Variants in COL2A1 observed in about 807,000 individuals in gnomAD.
COL2A1 encodes the protein collagen type II alpha 1 chain, also known as collagen alpha-1(II) chain.
Under a neutral mutation model 204.5 loss-of-function variants are expected in COL2A1, and 28 were observed. The ratio of observed to expected loss-of-function variants is 0.14; its 90% confidence interval spans 0.10 to 0.19. The LOEUF is 0.19. Among genes scored for constraint, COL2A1 ranks in the 10% least tolerant of loss-of-function variants. The probability of loss-of-function intolerance (pLI) is 1.00; values close to 1 mark genes in which losing one functional copy is unlikely to be tolerated. For missense variants in COL2A1, 1,388 were observed against 2,027.5 expected, an observed-to-expected ratio of 0.68 and a Z score of 6.06; for synonymous variants, 708 against 718.7, an observed-to-expected ratio of 0.99 and a Z score of 0.24.
chr12:47,979,978 T>C (rs1304726140), intron 40 of COL2A1, 31 bp downstream of exon 40: 3 of 1,544,462 alleles, frequency 1.9e-6, no homozygotes, highest in Admixed American at 3.9e-5. Flanking sequence ...CTTTGTGAGG[T>C]GCAGGGTGGG....
In COL2A1 at chr12:47,989,306, G is replaced by A. The variant is rs770535653; in HGVS notation, c.1069-25C>T. 9 of 1,607,862 alleles carry A rather than the reference G, an allele frequency of 5.6e-6. No homozygotes were observed. The East Asian group carries it at 2.0e-4, about 36-fold the overall frequency. ...CCTGGAGAGAGTAGGCGGATGAGAA[G>A]AGAGGTGAATGCCAGTTCTGGCCTC... On this transcript the variant is annotated intron_variant, in intron 17 of 53. Coordinates refer to ENST00000380518, the MANE Select transcript of COL2A1 (RefSeq NM_001844.5).
chr12:47,987,438 G>A lies in COL2A1; in HGVS notation c.1222-125C>T. 1 of 1,131,264 alleles carries A rather than the reference G, an allele frequency of 8.8e-7. No individual in the cohort carries two copies. The highest frequency in any genetic ancestry group is 1.3e-6 in the Non-Finnish European group (1 of 759,838). 70.1% of individuals were successfully genotyped at this position (1,131,264 alleles called of 1,614,324 possible). Reference sequence around the variant, plus strand: ...CATTTCAGGGACATTCCCACTATGTGTTTCAAGGGGAAGATGGGATAGAAG... The same window carrying A: ...CATTTCAGGGACATTCCCACTATGTATTTCAAGGGGAAGATGGGATAGAAG... On this transcript the variant is annotated intron_variant, in intron 19 of 53. Coordinates refer to ENST00000380518, the MANE Select transcript of COL2A1 (RefSeq NM_001844.5). This position sits in a 1 kb window ranked among gnomAD's most constrained non-coding sequence, Gnocchi z 4.1.
intron 27 of COL2A1, 41 bp from the exon 28 acceptor site, chr12:47,984,640 G>A: frequency 6.2e-7 from 1 of 1,603,642 alleles, no homozygotes; most frequent in South Asian, 1.1e-5. Flanking sequence ...CGGATGGTTT[G>A]GGAGGGAGTT....
rs1050843751 is a variant in COL2A1 at position 47,980,756 on chromosome 12, G to A, written c.2518-95C>T. 36 of 1,413,208 alleles carry A rather than the reference G, an allele frequency of 2.5e-5. No individual in the cohort carries two copies. The highest frequency in any genetic ancestry group is 4.9e-5 in the South Asian group (4 of 81,628). The allele number at this position is 1,413,208 out of a possible 1,614,324, so 87.5% of individuals were successfully genotyped here. ...GGAGACTCTGTGAGTATCTGCGTGT[G>A]TGTCCTGGTCTGGACATGATGGTTC... is the stretch of plus-strand genomic sequence containing the variant. On this transcript the variant is annotated intron_variant, in intron 38 of 53. Transcript: ENST00000380518. This position sits in a 1 kb window ranked among gnomAD's most constrained non-coding sequence, Gnocchi z 4.5.
rs202103765 is a variant in COL2A1, at chr12:47,993,849, A to C, written c.884T>G (p.Leu295Arg). ...GVKGHRGYPG[L>R]DGAKGEAGAP... ...ACCCGCCTCTCCCTTAGCACCGTCC[A>C]GGCCTGGATAACCCTAGGGAACAAG... is the stretch of plus-strand genomic sequence containing the variant. The change falls in exon 14 of 54, where the codon CTG becomes CGG. Residue 295 changes from leucine to arginine, a missense_variant. Leu to Arg is a moderately radical substitution (Grantham distance 102). Transcript: ENST00000380518. 6.2e-7 allele frequency: 1 copy of C among 1,614,210 alleles called. No homozygotes were observed. The highest frequency in any genetic ancestry group is 8.5e-7 in the Non-Finnish European group (1 of 1,180,036).
In COL2A1 at chr12:47,979,574, G is replaced by C; in HGVS notation, c.2680-10C>G. 1 of 1,603,038 alleles carries C rather than the reference G, an allele frequency of 6.2e-7. No homozygotes were observed. Among genetic ancestry groups the C allele is most frequent in the Non-Finnish European group, 8.5e-7 (1 of 1,174,152 alleles). On this transcript the variant is annotated splice_polypyrimidine_tract_variant and intron_variant, in intron 40 of 53. Transcript: ENST00000380518. ...GGAATCCAGTGGCTCCCTGTGTGGG[G>C]AGAGGAGAGCCCCTGAGAACCTCAA...
rs997266547 is a variant in COL2A1, at chr12:47,973,333, A to G, written c.*74T>C. On this transcript the variant is annotated 3_prime_UTR_variant, in exon 54 of 54. Transcript: ENST00000380518. Reference sequence around the variant, plus strand: ...GGTCAGCCATTCAGTGCAGAGTCCTAGAGTGACTGAGATTGGAAAGTACTT... The same window carrying G: ...GGTCAGCCATTCAGTGCAGAGTCCTGGAGTGACTGAGATTGGAAAGTACTT... The G allele has an allele frequency of 2.2e-5, 35 of 1,596,004 alleles. No homozygotes were observed. In the African/African-American group the frequency reaches 4.4e-4, roughly 20 times the overall value.
intron 45 of COL2A1, 81 bp from the exon 46 acceptor site, chr12:47,977,508 G>A (rs1191484806): frequency 2.5e-6 from 4 of 1,590,628 alleles, no homozygotes; most frequent in Non-Finnish European, 2.6e-6. Flanking sequence ...GCTGAGATGA[G>A]ACTTGTTCCA....
intron 2 of COL2A1, chr12:47,999,634 A>AGTT (rs777963294): frequency 3.8e-5 from 6 of 156,276 alleles, no homozygotes; most frequent in South Asian, 1.1e-4. Flanking sequence ...TTCAGAGAGG[A>AGTT]TTTTTTTTTT....
At position 47,978,637 on chromosome 12, in the gene COL2A1, G is replaced by T; in HGVS notation, c.2855C>A (p.Pro952His). ...TCCAGGCTCTCCCTTCTCGCCAGGG[G>T]GTCCAGCAGGACCTTGGAGGCCGGG... The part of the protein sequence containing the change: ...GEPGLQGPAG[P>H]PGEKGEPGDD... The change falls in exon 42 of 54, where the codon CCC (proline) becomes CAC (histidine). Residue 952 changes from proline (P) to histidine (H), a missense_variant. Pro to His is a moderately conservative substitution (Grantham distance 77, BLOSUM62 -2). Transcript: ENST00000380518. The surrounding 1 kb of genome is among the most constrained non-coding windows in gnomAD (Gnocchi z 5.5). 6.2e-7 allele frequency: 1 copy of T among 1,613,538 alleles called. No individual in the cohort carries two copies. The highest frequency in any genetic ancestry group is 8.5e-7 in the Non-Finnish European group (1 of 1,180,004).
chr12:47,982,988 G>T, intron 32 of COL2A1, 42 bp from the exon 33 acceptor site: 1 of 1,608,064 alleles, frequency 6.2e-7, no homozygotes, highest in Non-Finnish European at 8.5e-7. Context: ...AACAGCAGTG[G>T]GGGAGAAGGT....
chr12:47,984,979 G>A lies in COL2A1; in HGVS notation c.1833+16C>T, dbSNP rs1939311718. On this transcript the variant is annotated intron_variant, in intron 27 of 53. Coordinates refer to ENST00000380518, the MANE Select transcript of COL2A1 (RefSeq NM_001844.5). ...GCACCACATGGAAGGAAATAGAAGA[G>A]CAAATTATTACTTACGTTGGCACCT... 1.9e-6 allele frequency: 3 copies of A among 1,608,112 alleles called. No homozygotes were observed. The highest frequency in any genetic ancestry group is 2.7e-5 in the African/African-American group (2 of 74,792).
At chr12:47,979,832 A>G (rs1476338484) in intron 40 of COL2A1, among the ~76,000 whole-genome samples, 177 bp downstream of exon 40, 1 of 152,142 alleles carries the variant, frequency 6.6e-6, no homozygotes, top group African/African-American at 2.4e-5. Context: ...CCGGGACCAC[A>G]GTGCACCCAG....
At chr12:47,991,723 A>G (rs1037507307) in intron 16 of COL2A1, among the ~76,000 whole-genome samples, 6 of 152,164 alleles carry the variant, frequency 3.9e-5, no homozygotes, top group African/African-American at 1.2e-4. Flanking sequence ...CAGGAGATGG[A>G]GCTTGTCTTT....
rs897485255 is a variant in COL2A1, at chr12:47,973,208, C to A, written c.*199G>T. ...AGGAAGACAATAAATAAATAGAACA[C>A]CGAGATTTTATTTTGCAGTCTGCCC... is the stretch of plus-strand genomic sequence containing the variant. On this transcript the variant is annotated 3_prime_UTR_variant, in exon 54 of 54. Transcript: ENST00000380518. 3 of 688,514 alleles carry A rather than the reference C, an allele frequency of 4.4e-6. No individual in the cohort carries two copies. Among genetic ancestry groups the A allele is most frequent in the Non-Finnish European group, 7.7e-6 (3 of 387,106 alleles). 42.7% of individuals were successfully genotyped at this position (688,514 alleles called of 1,614,324 possible). A position where few individuals can be genotyped will look rare whatever the true frequency, so the allele number is the denominator to read the frequency against.
In COL2A1 at chr12:47,974,260, G is replaced by C. The variant is rs766046113; in HGVS notation, c.4146C>G (p.Ser1382=). 6.2e-7 allele frequency: 1 copy of C among 1,614,234 alleles called. No homozygotes were observed. The highest frequency in any genetic ancestry group is 1.1e-5 in the South Asian group (1 of 91,082). ...AGGTGATGTTCTGGGAGCCTTCCGT[G>C]GACAGCAGGCGTAGGAAGGTCATCT... ...NVQMTFLRLL[S]TEGSQNITYH... is the part of the protein sequence containing the mutation. Residue 1382 remains serine, a synonymous_variant, in exon 53 of 54, where the codon TCC becomes TCG. Transcript: ENST00000380518.
At chr12:47,986,962 G>A (rs1357147220) in intron 21 of COL2A1, 74 bp from the exon 22 acceptor site, 2 of 1,596,762 alleles carry the variant, frequency 1.3e-6, no homozygotes, top group Non-Finnish European at 1.7e-6. Flanking sequence ...CCCTGTTCAA[G>A]ATGCCCTCGG....
At position 47,993,704 on chromosome 12, in the gene COL2A1, C is replaced by G. The variant is rs1012140453; in HGVS notation, c.924+105G>C. 5.1e-6 allele frequency: 7 copies of G among 1,366,556 alleles called. No individual in the cohort carries two copies. In the African/African-American group the frequency reaches 7.2e-5, roughly 14 times the overall value. 84.7% of individuals were successfully genotyped at this position (1,366,556 alleles called of 1,614,324 possible). ...GCTGGTGTTCCCAGCCAAGGCTGTT[C>G]TGAGGAGCTAGTTCCACTGAGCTCC... On this transcript the variant is annotated intron_variant, in intron 14 of 53. Coordinates refer to ENST00000380518, the MANE Select transcript of COL2A1 (RefSeq NM_001844.5).
chr12:47,998,523 C>CA, intron 2 of COL2A1, 92 bp from the exon 3 acceptor site: 2 of 1,342,312 alleles, frequency 1.5e-6, no homozygotes, highest in South Asian at 1.3e-5. Context: ...TTAGATCAAA[C>CA]AAGTAAAAGG....
Sources: allele counts gnomAD v4.1 joint callset (sites outside exome capture counted in the v4.1 genomes callset), GRCh38; gene constraint gnomAD v4.1.1; non-coding constraint Gnocchi (gnomAD v3.1); transcripts MANE v1.5; gene names NCBI Gene and HGNC (gene_info 2026-07-23, HGNC 2026-07-21).